The following CCDC120 variants were observed in gnomAD, a reference collection of about 807,000 sequenced individuals.
The protein encoded by CCDC120 is coiled-coil domain containing 120, also known as coiled-coil domain-containing protein 120.
In CCDC120, 16 loss-of-function variants were observed where a neutral mutation model predicts 37.6. The ratio of observed to expected loss-of-function variants is 0.43; its 90% confidence interval spans 0.29 to 0.65. The LOEUF is 0.65. Among genes scored for constraint, CCDC120 ranks in the 30% least tolerant of loss-of-function variants. The pLI is 0.18. For synonymous variants in CCDC120, 309 were observed against 275.4 expected, an observed-to-expected ratio of 1.12 and a Z score of -1.21; for missense variants, 650 against 657.4, an observed-to-expected ratio of 0.99 and a Z score of 0.12.
intron 9 of CCDC120, chrX:49,066,741 T>C: frequency 8.0e-6 from 1 of 124,756 alleles, no homozygotes; most frequent in Non-Finnish European, 1.6e-5. Context: ...GGTTCATACG[T>C]ATGGTCGGAT....
At chrX:49,061,843 G>A in intron 1 of CCDC120, 116 bp from the exon 2 acceptor site, 1 of 742,535 alleles carries the variant, frequency 1.3e-6, no homozygotes, top group Non-Finnish European at 1.9e-6. Flanking sequence ...CTTTCCGGGT[G>A]GCTCTGAAGA....
At position 49,068,643 on chromosome X, in the gene CCDC120, G is replaced by A; in HGVS notation, c.2076G>A (p.Pro692=). The A allele has an allele frequency of 3.5e-6, 4 of 1,146,243 alleles. No homozygotes were observed. Among genetic ancestry groups the A allele is most frequent in the African/African-American group, 3.6e-5 (2 of 55,370 alleles). The allele number at this position is 1,146,243 out of a possible 1,213,427, so 94.5% of individuals were successfully genotyped here. Residue 692 remains proline, a synonymous_variant, in exon 11 of 11, where the codon CCG becomes CCA. Transcript: ENST00000603986. The part of the protein sequence containing the change: ...EQSSSSDTQT[P]GTLV ...CCTCCAGTTCTGACACCCAGACCCC[G>A]GGGACACTGGTCTGACCCCTTCTGA...
chrX:49,059,333 CG>C, intron 1 of CCDC120: 1 of 754,051 alleles, frequency 1.3e-6, no homozygotes, highest in Non-Finnish European at 1.6e-6. Flanking sequence ...GATTCCCGGC[CG>C]GAAATGGACG....
At chrX:49,068,228 C>T (rs2064984035) in intron 10 of CCDC120, 138 bp downstream of exon 10, 6 of 1,098,517 alleles carry the variant, frequency 5.5e-6, no homozygotes, top group Non-Finnish European at 6.0e-6. Flanking sequence ...CACAGGGTCA[C>T]TCTACTGCAC....
rs1388931942 is a variant in CCDC120 at position 49,064,659 on chromosome X, G to A, written c.719G>A (p.Ser240Asn). 2 of 1,177,790 alleles carry A rather than the reference G, an allele frequency of 1.7e-6. No homozygotes were observed. Among genetic ancestry groups the A allele is most frequent in the Non-Finnish European group, 2.3e-6 (2 of 874,955 alleles). ...VCLGMRLAQL[S>N]QEDVVLHSES... is the part of the protein sequence containing the mutation. Reference sequence around the variant, plus strand: ...CTGGGCATGCGTCTTGCTCAGCTCAGCCAAGGTGAGCATCCCCTGGTGAGG... The same window carrying A: ...CTGGGCATGCGTCTTGCTCAGCTCAACCAAGGTGAGCATCCCCTGGTGAGG... The change falls in exon 6 of 11, where the codon AGC (serine) becomes AAC (asparagine). Residue 240 changes from serine to asparagine, a missense_variant. This residue lies in a region of CCDC120 where 576 missense variants were observed against 565.3 expected (regional missense o/e 1.02). Coordinates refer to ENST00000603986, the MANE Select transcript of CCDC120 (RefSeq NM_001163321.4).
chrX:49,060,107 TC>T (rs2064867337), intron 1 of CCDC120, among the ~76,000 whole-genome samples: 1 of 111,686 alleles, frequency 9.0e-6, no homozygotes, highest in African/African-American at 3.3e-5. Context: ...TGTCTGGACT[TC>T]CAGGACGCTC....
chrX:49,065,819 C>A lies in CCDC120; in HGVS notation c.1035C>A (p.Thr345=). ...GTGTGCCTGCCACCCCTGTCCTCACCCGGGGCGCTGGCCCCCAGCTCTGCA... is the reference window on the plus strand; with the variant it reads ...GTGTGCCTGCCACCCCTGTCCTCACACGGGGCGCTGGCCCCCAGCTCTGCA... The part of the protein sequence containing the change: ...GRSVPATPVL[T]RGAGPQLCKP... The change falls in exon 9 of 11, where the codon ACC becomes ACA. Residue 345 remains threonine, a synonymous_variant. Coordinates refer to ENST00000603986, the MANE Select transcript of CCDC120 (RefSeq NM_001163321.4). 8.6e-7 allele frequency: 1 copy of A among 1,168,201 alleles called. No individual in the cohort carries two copies. The highest frequency in any genetic ancestry group is 1.8e-5 in the African/African-American group (1 of 56,393).
intron 9 of CCDC120, chrX:49,066,786 A>G: frequency 7.4e-6 from 1 of 134,898 alleles, no homozygotes; most frequent in Non-Finnish European, 1.4e-5. Context: ...TGTGAGCCCT[A>G]AGGCCTAGGA....
At chrX:49,055,136 C>T (rs1029172542), upstream of CCDC120, among the ~76,000 whole-genome samples, 3 of 112,465 alleles carry the variant, frequency 2.7e-5, no homozygotes, top group Non-Finnish European at 5.6e-5. Context: ...ATAGAGCTTA[C>T]ATTTCTCTTC....
rs1422474252 is a variant in CCDC120 at position 49,067,677 on chromosome X, C to T, written c.1563C>T (p.Pro521=). Reference sequence around the variant, plus strand: ...GGGATGGGCTCCTCACCATGCTCCCCGGCCCACCACCTGTGTATGCAGCTG... The same window carrying T: ...GGGATGGGCTCCTCACCATGCTCCCTGGCCCACCACCTGTGTATGCAGCTG... ...SRRDGLLTML[P]GPPPVYAADS... is the part of the protein sequence containing the mutation. Residue 521 remains proline (P), a synonymous_variant, in exon 10 of 11, where the codon CCC becomes CCT. Transcript: ENST00000603986. The T allele has an allele frequency of 2.7e-5, 32 of 1,201,564 alleles. No individual in the cohort carries two copies. Among genetic ancestry groups the T allele is most frequent in the Middle Eastern group, 2.3e-4 (1 of 4,315 alleles).
At chrX:49,060,731 C>T (rs2064877519) in intron 1 of CCDC120, among the ~76,000 whole-genome samples, 1 of 111,489 alleles carries the variant, frequency 9.0e-6, no homozygotes, top group Non-Finnish European at 1.9e-5. Flanking sequence ...CCCACCCCTG[C>T]TGTTGAAGGC....
rs2064892280 is a variant in CCDC120, at chrX:49,062,122, G to A, written c.63+18G>A. On this transcript the variant is annotated intron_variant, in intron 2 of 10. Transcript: ENST00000603986. ...CTGAAAGGGCAGGTCAAGCAGGCAC[G>A]TGGGGCCCAGGTTACCCCTTATTCC... The A allele has an allele frequency of 1.7e-6, 2 of 1,160,373 alleles. No individual in the cohort carries two copies. The highest frequency in any genetic ancestry group is 3.2e-5 in the East Asian group (1 of 30,784).
chrX:49,055,294 G>T (rs2064823338), upstream of CCDC120, among the ~76,000 whole-genome samples: 1 of 112,280 alleles, frequency 8.9e-6, no homozygotes, highest in African/African-American at 3.2e-5. Flanking sequence ...CCTCATGTTG[G>T]GGGGAAGAGT....
At position 49,067,255 on chromosome X, in the gene CCDC120, G is replaced by A. The variant is rs782162072; in HGVS notation, c.1141G>A (p.Asp381Asn). 18 of 1,209,316 alleles carry A rather than the reference G, an allele frequency of 1.5e-5. No homozygotes were observed. Among genetic ancestry groups the A allele is most frequent in the East Asian group, 8.9e-5 (3 of 33,712 alleles). The change falls in exon 10 of 11, where the codon GAT becomes AAT. Residue 381 changes from aspartate to asparagine, a missense_variant. Physicochemically the swap from Asp to Asn is conservative, Grantham distance 23 (BLOSUM62 1). Around this residue, in one of 3 missense-constraint regions of CCDC120, gnomAD observed 576 missense variants for 565.3 expected, o/e 1.02. Coordinates refer to ENST00000603986, the MANE Select transcript of CCDC120 (RefSeq NM_001163321.4). ...CTTCCCCCGGGCGGACCCTGCCTCC[G>A]ATCGCGCCTCCCTCTTCGTAGCTCG... ...MGFPRADPASDRASLFVARTR... is the reference protein window; with the variant it reads ...MGFPRADPASNRASLFVARTR...
chrX:49,057,020 C>T (rs2064835918), upstream of CCDC120, among the ~76,000 whole-genome samples: 1 of 112,291 alleles, frequency 8.9e-6, no homozygotes, highest in Admixed American at 9.4e-5. Context: ...AGTGGCAGAG[C>T]TGGGTTGAAT....
chrX:49,056,620 C>T (rs1208995761), upstream of CCDC120, among the ~76,000 whole-genome samples: 3 of 41,585 alleles, frequency 7.2e-5, no homozygotes, highest in Non-Finnish European at 1.2e-4. Flanking sequence ...GGTGAGACTC[C>T]GTCTCAAAAA....
At chrX:49,062,188 G>A (rs781949606) in intron 2 of CCDC120, 47 bp from the exon 3 acceptor site, 1 of 1,181,043 alleles carries the variant, frequency 8.5e-7, no homozygotes, top group Non-Finnish European at 1.1e-6. Context: ...GGGGGTTGGG[G>A]TATCATGGGA....
intron 4 of CCDC120, among the ~76,000 whole-genome samples, chrX:49,063,022 G>A (rs781916888): frequency 1.4e-3 from 157 of 111,480 alleles, no homozygotes; most frequent in African/African-American, 4.8e-3. Flanking sequence ...GTGTAACCCC[G>A]TCTCTACTAA....
rs1433885649 is a variant in CCDC120 at position 49,065,484 on chromosome X, A to T, written c.818A>T (p.Glu273Val). 1 of 1,199,949 alleles carries T rather than the reference A, an allele frequency of 8.3e-7. No homozygotes were observed. The highest frequency in any genetic ancestry group is 3.0e-5 in the East Asian group (1 of 33,647). The change falls in exon 8 of 11, where the codon GAG (glutamate) becomes GTG (valine). Residue 273 changes from glutamate to valine, a missense_variant. Physicochemically the swap from Glu to Val is moderately radical, Grantham distance 121. Around this residue, in one of 3 missense-constraint regions of CCDC120, gnomAD observed 576 missense variants for 565.3 expected, o/e 1.02. Transcript: ENST00000603986. ...EEPHGCFSLA[E>V]RPSPPKAWDQ... ...CCCCATGGCTGCTTCTCTCTGGCCG[A>T]GCGCCCCTCACCACCCAAGGCTTGG...
Sources: gnomAD v4.1 joint callset for allele counts (sites outside exome capture counted in the v4.1 genomes callset) on GRCh38, gnomAD v4.1.1 for gene constraint, gnomAD v4.1.1 regional missense constraint, MANE v1.5 for transcripts, NCBI Gene and HGNC (gene_info 2026-07-23, HGNC 2026-07-21) for gene names.